The following RNF220 variants were observed in gnomAD, a reference collection of about 807,000 sequenced individuals.
RNF220 encodes the protein E3 ubiquitin-protein ligase RNF220.
In RNF220, 7 loss-of-function variants were observed where a neutral mutation model predicts 67.1. The observed-to-expected ratio is 0.10, with a 90% CI of 0.06 to 0.20. The LOEUF is 0.20. RNF220 is among the 10% of genes least tolerant of loss of function. The pLI, the probability that RNF220 is intolerant of heterozygous loss-of-function variation, is 1.00. For synonymous variants in RNF220, 270 were observed against 283.2 expected, an observed-to-expected ratio of 0.95 and a Z score of 0.47; for missense variants, 565 against 740.3, an observed-to-expected ratio of 0.76 and a Z score of 2.75.
chr1:44,415,513 A>G (rs1286400241), intron 2 of RNF220, among the ~76,000 whole-genome samples: 2 of 152,164 alleles, frequency 1.3e-5, no homozygotes, highest in Non-Finnish European at 2.9e-5. Context: ...ATACACACAC[A>G]CACACACACA....
intron 2 of RNF220, among the ~76,000 whole-genome samples, chr1:44,582,770 A>G (rs1446997167): frequency 2.0e-5 from 3 of 147,658 alleles, no homozygotes; most frequent in Admixed American, 6.7e-5. Context: ...AAAAAAAAAA[A>G]AAAGGCACTT....
At position 44,650,601 on chromosome 1, in the gene RNF220, T is replaced by A; in HGVS notation, c.1630-103T>A. On this transcript the variant is annotated intron_variant, in intron 14 of 14. Transcript: ENST00000361799. The surrounding 1 kb of genome is among the most constrained non-coding windows in gnomAD (Gnocchi z 4.3). Reference sequence around the variant, plus strand: ...AGCCTGGGCTGACAGGACCAAGGTCTCAGCACACACTGGTGCAGAGAGACA... The same window carrying A: ...AGCCTGGGCTGACAGGACCAAGGTCACAGCACACACTGGTGCAGAGAGACA... 1.5e-6 allele frequency: 2 copies of A among 1,297,714 alleles called. No individual in the cohort carries two copies. The highest frequency in any genetic ancestry group is 2.2e-6 in the Non-Finnish European group (2 of 906,820). The allele number at this position is 1,297,714 out of a possible 1,614,324, so 80.4% of individuals were successfully genotyped here.
intron 2 of RNF220, among the ~76,000 whole-genome samples, chr1:44,433,300 C>A (rs1210227978): frequency 6.6e-6 from 1 of 152,134 alleles, no homozygotes; most frequent in Non-Finnish European, 1.5e-5. Context: ...TGGAGAACTT[C>A]CAGTTGTACT....
intron 2 of RNF220, among the ~76,000 whole-genome samples, chr1:44,546,427 C>A (rs1354237374): frequency 6.6e-6 from 1 of 152,202 alleles, no homozygotes; most frequent in East Asian, 1.9e-4. Context: ...TTCCCCCAGC[C>A]CCCTGCTACT....
chr1:44,406,774 G>C (rs1647379062), intron 1 of RNF220, among the ~76,000 whole-genome samples: 1 of 152,200 alleles, frequency 6.6e-6, no homozygotes, highest in Non-Finnish European at 1.5e-5. Flanking sequence ...TTTCTTCCAG[G>C]GCACAACAAA....
chr1:44,616,938 C>A (rs959935140), intron 3 of RNF220, among the ~76,000 whole-genome samples: 1 of 152,114 alleles, frequency 6.6e-6, no homozygotes, highest in Non-Finnish European at 1.5e-5. Flanking sequence ...TTTTTCCACA[C>A]CCCCACCCAT....
intron 2 of RNF220, among the ~76,000 whole-genome samples, chr1:44,522,948 G>C (rs1660056479): frequency 6.6e-6 from 1 of 152,206 alleles, no homozygotes; most frequent in Non-Finnish European, 1.5e-5. Flanking sequence ...CTTGGAGCTT[G>C]GCAGTCACAA....
chr1:44,487,238 A>G (rs1486455048), intron 2 of RNF220, among the ~76,000 whole-genome samples: 2 of 152,050 alleles, frequency 1.3e-5, no homozygotes, highest in Admixed American at 6.5e-5. Context: ...GAGGGGCTGA[A>G]GCAGGAGAAT....
intron 9 of RNF220, 59 bp from the exon 10 acceptor site, chr1:44,644,936 G>A: frequency 4.4e-6 from 7 of 1,595,168 alleles, no homozygotes; most frequent in Non-Finnish European, 6.0e-6. Flanking sequence ...CTCTCCTGAG[G>A]ATTCAACCCT....
At chr1:44,589,517 G>C (rs959160358) in intron 2 of RNF220, among the ~76,000 whole-genome samples, 6 of 151,610 alleles carry the variant, frequency 4.0e-5, no homozygotes, top group Admixed American at 3.3e-4. Flanking sequence ...GGGAGGCTGA[G>C]GCGGGAGAAT....
At position 44,412,756 on chromosome 1, in the gene RNF220, C is replaced by G; in HGVS notation, c.625+34C>G. On this transcript the variant is annotated intron_variant, in intron 2 of 14. Transcript: ENST00000361799. The surrounding 1 kb of genome is among the most constrained non-coding windows in gnomAD (Gnocchi z 5.3). ...TTTGGTTCCAGCCCTCCCTTACCCCCAGTAAGCCCTGCCTCACCGTGATGT... is the reference window on the plus strand; with the variant it reads ...TTTGGTTCCAGCCCTCCCTTACCCCGAGTAAGCCCTGCCTCACCGTGATGT... The G allele has an allele frequency of 2.5e-6, 4 of 1,589,628 alleles. No homozygotes were observed. The highest frequency in any genetic ancestry group is 3.4e-6 in the Non-Finnish European group (4 of 1,166,250).
rs1305909647 is a variant in RNF220, at chr1:44,417,278, C to A, written c.625+4556C>A. ...CTCCCCTACTCCCCGGGGGCAAGAA[C>A]TCCTGTGATGTGTGTGGTTGTTTCT... On this transcript the variant is annotated intron_variant, in intron 2 of 14. Transcript: ENST00000361799. The surrounding 1 kb of genome is among the most constrained non-coding windows in gnomAD (Gnocchi z 4.0). Among the ~76,000 whole-genome samples, 1 of 152,208 alleles carries A rather than the reference C, an allele frequency of 6.6e-6. No individual in the cohort carries two copies. The highest frequency in any genetic ancestry group is 2.4e-5 in the African/African-American group (1 of 41,444).
At chr1:44,552,120 A>G (rs1662685669) in intron 2 of RNF220, among the ~76,000 whole-genome samples, 1 of 152,212 alleles carries the variant, frequency 6.6e-6, no homozygotes, top group African/African-American at 2.4e-5. Context: ...ATCTAAGACT[A>G]TTTCAAAAAG....
Position 44,576,025 on chromosome 1 carries a change from G to A in RNF220, c.626-38140G>A, listed in dbSNP as rs566861730. ...CAGTCTAGCCACTTGATCCTCATCCGTAGAGATCACTTGGGTGATCTACCA... is the reference window on the plus strand; with the variant it reads ...CAGTCTAGCCACTTGATCCTCATCCATAGAGATCACTTGGGTGATCTACCA... On this transcript the variant is annotated intron_variant, in intron 2 of 14. Coordinates refer to ENST00000361799, the MANE Select transcript of RNF220 (RefSeq NM_018150.4). Among the ~76,000 whole-genome samples the A allele has an allele frequency of 6.6e-5, 10 of 152,318 alleles. No individual in the cohort carries two copies. The East Asian group carries it at 1.4e-3, about 21-fold the overall frequency.
chr1:44,569,715 G>T (rs1385583573), intron 2 of RNF220, among the ~76,000 whole-genome samples: 1 of 152,212 alleles, frequency 6.6e-6, no homozygotes, highest in Non-Finnish European at 1.5e-5. Context: ...GCCAGGGTCT[G>T]GTGGGAAGGG....
chr1:44,510,143 G>A (rs527515985), intron 2 of RNF220, among the ~76,000 whole-genome samples: 1 of 151,500 alleles, frequency 6.6e-6, no homozygotes, highest in East Asian at 1.9e-4. Flanking sequence ...GGAGGCTGAG[G>A]TGAGAGGATT....
intron 2 of RNF220, among the ~76,000 whole-genome samples, chr1:44,423,210 T>G (rs1649414264): frequency 4.6e-5 from 7 of 152,168 alleles, no homozygotes; most frequent in Admixed American, 4.6e-4. Context: ...TATCTGAAAA[T>G]CAAGAAGGAG....
chr1:44,543,311 T>C, intron 2 of RNF220, among the ~76,000 whole-genome samples: 1 of 151,858 alleles, frequency 6.6e-6, no homozygotes, highest in East Asian at 1.9e-4. Context: ...GCTAGTGTTG[T>C]TGACATGGGG....
At chr1:44,463,543 T>G (rs1296998561) in intron 2 of RNF220, among the ~76,000 whole-genome samples, 1 of 152,128 alleles carries the variant, frequency 6.6e-6, no homozygotes, top group Non-Finnish European at 1.5e-5. Flanking sequence ...TGTTTCTTTT[T>G]TTTTTTAAGA....
Sources: allele counts gnomAD v4.1 joint callset (sites outside exome capture counted in the v4.1 genomes callset), GRCh38; gene constraint gnomAD v4.1.1; non-coding constraint Gnocchi (gnomAD v3.1); transcripts MANE v1.5; gene names NCBI Gene and HGNC (gene_info 2026-07-23, HGNC 2026-07-21).